GPD2: variants seen among roughly 807,000 people sequenced by gnomAD.
GPD2 encodes the protein glycerol-3-phosphate dehydrogenase 2, also known as glycerol-3-phosphate dehydrogenase, mitochondrial.
A neutral mutation model predicts 82.4 loss-of-function variants in GPD2; 54 were observed. The ratio of observed to expected loss-of-function variants is 0.66; its 90% confidence interval spans 0.53 to 0.82. The LOEUF (loss-of-function observed/expected upper bound fraction) is 0.82. GPD2 is among the 40% of genes least tolerant of loss of function. GPD2 has a pLI of 0.00. For missense variants in GPD2, 748 were observed against 896.2 expected, an observed-to-expected ratio of 0.83 and a Z score of 2.11; for synonymous variants, 288 against 306.1, an observed-to-expected ratio of 0.94 and a Z score of 0.62.
At chr2:156,523,166 T>C (rs967613589) in intron 6 of GPD2, among the ~76,000 whole-genome samples, 2 of 152,174 alleles carry the variant, frequency 1.3e-5, no homozygotes, top group African/African-American at 2.4e-5. Flanking sequence ...CTGATAAATA[T>C]ATAATGATAT....
intron 6 of GPD2, among the ~76,000 whole-genome samples, chr2:156,546,419 G>T (rs903273083): frequency 6.6e-6 from 1 of 152,184 alleles, no homozygotes; most frequent in Non-Finnish European, 1.5e-5. Context: ...TCAGGAAAGA[G>T]GGTTGGGGAA....
chr2:156,484,666 C>T (rs1683870591), intron 2 of GPD2, among the ~76,000 whole-genome samples: 2 of 151,936 alleles, frequency 1.3e-5, no homozygotes, highest in Non-Finnish European at 2.9e-5. Flanking sequence ...ATGGCAAAGC[C>T]CCATCTCTAC....
intron 3 of GPD2, among the ~76,000 whole-genome samples, chr2:156,496,554 T>C (rs1386661912): frequency 1.3e-5 from 2 of 152,168 alleles, no homozygotes; most frequent in African/African-American, 4.8e-5. Flanking sequence ...CTCTCTTGTT[T>C]CCAGATTTTC....
chr2:156,528,583 C>T (rs1052629500), intron 6 of GPD2, among the ~76,000 whole-genome samples: 3 of 105,448 alleles, frequency 2.8e-5, no homozygotes, highest in Non-Finnish European at 1.8e-5. Flanking sequence ...TGCTATCCCT[C>T]CCCCCTCCCC....
chr2:156,497,136 G>C (rs988878052), intron 3 of GPD2, among the ~76,000 whole-genome samples: 1 of 152,120 alleles, frequency 6.6e-6, no homozygotes, highest in Non-Finnish European at 1.5e-5. Flanking sequence ...ACTTATCCTG[G>C]CTTAACTTCT....
intron 6 of GPD2, among the ~76,000 whole-genome samples, chr2:156,525,681 A>T (rs911451953): frequency 1.3e-5 from 2 of 152,228 alleles, no homozygotes; most frequent in African/African-American, 2.4e-5. Context: ...ACATACGGAC[A>T]AATTACTGTC....
intron 6 of GPD2, among the ~76,000 whole-genome samples, chr2:156,545,432 C>T (rs1686492039): frequency 6.6e-6 from 1 of 152,044 alleles, no homozygotes; most frequent in Admixed American, 6.6e-5. Flanking sequence ...TTGAAGTAGT[C>T]AAAGTGATTG....
At chr2:156,582,737 G>A in intron 16 of GPD2, 56 bp from the exon 17 acceptor site, 1 of 1,591,914 alleles carries the variant, frequency 6.3e-7, no homozygotes, top group Admixed American at 1.7e-5. Flanking sequence ...ATGATGCCAT[G>A]AAGAAGAGAG....
chr2:156,494,804 A>G (rs1684309465), intron 2 of GPD2, among the ~76,000 whole-genome samples: 1 of 152,218 alleles, frequency 6.6e-6, no homozygotes, highest in Non-Finnish European at 1.5e-5. Flanking sequence ...TAATAGAGCA[A>G]TGCTGGCCAG....
At chr2:156,493,671 G>C (rs915061610) in intron 2 of GPD2, among the ~76,000 whole-genome samples, 1 of 151,970 alleles carries the variant, frequency 6.6e-6, no homozygotes, top group Admixed American at 6.6e-5. Context: ...TCATAATATG[G>C]TCTTTAAACT....
At chr2:156,412,234 G>A in the GPD2 span, among the ~76,000 whole-genome samples, 4 of 151,994 alleles carry the variant, frequency 2.6e-5, no homozygotes, top group Non-Finnish European at 5.9e-5. Context: ...TCAGGAGTTC[G>A]AGACTAGCCT....
At position 156,496,033 on chromosome 2, in the gene GPD2, T is replaced by G. The variant is rs1249054484; in HGVS notation, c.103-11T>G. The G allele has an allele frequency of 1.9e-6, 3 of 1,606,878 alleles. No individual in the cohort carries two copies. The highest frequency in any genetic ancestry group is 2.6e-6 in the Non-Finnish European group (3 of 1,174,434). On this transcript the variant is annotated splice_polypyrimidine_tract_variant and intron_variant, in intron 2 of 16. Coordinates refer to ENST00000438166, the MANE Select transcript of GPD2 (RefSeq NM_000408.5). ...AAATGGACAACTGAAAGTGATCTGC[T>G]TTTACATCAGATGAACCTGGCCTAT...
intron 2 of GPD2, among the ~76,000 whole-genome samples, chr2:156,484,071 G>A (rs1479442877): frequency 6.9e-6 from 1 of 145,168 alleles, no homozygotes; most frequent in Non-Finnish European, 1.5e-5. Context: ...TGTTCTCCCA[G>A]AGTAAACAAT....
intron 2 of GPD2, among the ~76,000 whole-genome samples, chr2:156,476,597 AAAG>A (rs923019550): frequency 6.6e-6 from 1 of 152,226 alleles, no homozygotes; most frequent in African/African-American, 2.4e-5. Flanking sequence ...AGGAAATGGA[AAAG>A]AAAAGGCCCA....
At chr2:156,543,704 A>G (rs1484969407) in intron 6 of GPD2, among the ~76,000 whole-genome samples, 2 of 152,220 alleles carry the variant, frequency 1.3e-5, no homozygotes, top group Admixed American at 6.5e-5. Context: ...AGTAAGGACA[A>G]CATGAGCAAG....
At chr2:156,549,199 T>G (rs1686659870) in intron 6 of GPD2, among the ~76,000 whole-genome samples, 1 of 152,208 alleles carries the variant, frequency 6.6e-6, no homozygotes, top group South Asian at 2.1e-4. Flanking sequence ...CTCATAAAAA[T>G]TGTTCATCAA....
At chr2:156,449,337 C>G (rs1243023760) in intron 1 of GPD2, among the ~76,000 whole-genome samples, 1 of 152,048 alleles carries the variant, frequency 6.6e-6, no homozygotes, top group African/African-American at 2.4e-5. Flanking sequence ...TATATGCAGG[C>G]AAGAGAAACT....
chr2:156,531,032 A>C (rs1478284103), intron 6 of GPD2, among the ~76,000 whole-genome samples: 1 of 152,182 alleles, frequency 6.6e-6, no homozygotes, highest in African/African-American at 2.4e-5. Flanking sequence ...AACATTATTA[A>C]CACAAACATA....
chr2:156,409,319 A>G, the GPD2 span, among the ~76,000 whole-genome samples: 3 of 152,204 alleles, frequency 2.0e-5, no homozygotes, highest in Non-Finnish European at 4.4e-5. Context: ...AGAGACCAGT[A>G]TATTTGTGCA....
Sources: gnomAD v4.1 joint callset for allele counts (sites outside exome capture counted in the v4.1 genomes callset) on GRCh38, gnomAD v4.1.1 for gene constraint, MANE v1.5 for transcripts, NCBI Gene and HGNC (gene_info 2026-07-23, HGNC 2026-07-21) for gene names.